SBF2: variants seen among roughly 807,000 people sequenced by gnomAD.
SBF2 encodes the protein myotubularin-related protein 13.
In SBF2, 112 loss-of-function variants were observed where a neutral mutation model predicts 225.2. The observed-to-expected ratio is 0.50, with a 90% confidence interval of 0.43 to 0.58. SBF2 has a LOEUF of 0.58. SBF2 is among the 20% of genes least tolerant of loss of function. The pLI is 0.00. For synonymous variants in SBF2, 763 were observed against 773.3 expected (o/e 0.99, Z 0.22); for missense variants, 1,996 against 2,206.2 (o/e 0.90, Z 1.91).
intron 2 of SBF2, among the ~76,000 whole-genome samples, chr11:10,056,919 G>T (rs1950275418): frequency 6.6e-6 from 1 of 152,150 alleles, no homozygotes. Flanking sequence ...ATTAAAATGT[G>T]GCCAGACTGT....
intron 1 of SBF2, among the ~76,000 whole-genome samples, chr11:10,274,570 G>A (rs555416712): frequency 1.2e-4 from 19 of 152,218 alleles, no homozygotes; most frequent in African/African-American, 4.6e-4. Flanking sequence ...GGCCAACATA[G>A]TGAAACACTG....
chr11:9,922,039 C>T (rs974198985), intron 16 of SBF2, among the ~76,000 whole-genome samples: 4 of 151,750 alleles, frequency 2.6e-5, no homozygotes, highest in Non-Finnish European at 4.4e-5. Flanking sequence ...TGAGCCCAGG[C>T]GTTTTAAGAC....
At chr11:10,121,761 T>C (rs1953461810) in intron 2 of SBF2, among the ~76,000 whole-genome samples, 1 of 152,222 alleles carries the variant, frequency 6.6e-6, no homozygotes, top group African/African-American at 2.4e-5. Flanking sequence ...GATCTGAAAA[T>C]ATTAAACAGA....
chr11:10,252,835 C>CAAG (rs1565403090), intron 1 of SBF2, among the ~76,000 whole-genome samples: 90 of 141,140 alleles, frequency 6.4e-4, no homozygotes, highest in African/African-American at 1.7e-3. Flanking sequence ...AAAAAAAAAT[C>CAAG]AAAAAAAAGA....
intron 2 of SBF2, among the ~76,000 whole-genome samples, chr11:10,177,833 A>G (rs1591145161): frequency 1.3e-5 from 2 of 149,330 alleles, no homozygotes; most frequent in South Asian, 4.2e-4. Context: ...ACAGAACTGG[A>G]AAAAACTACT....
intron 9 of SBF2, among the ~76,000 whole-genome samples, chr11:9,994,429 T>C (rs1403123258): frequency 4.7e-5 from 7 of 149,282 alleles, no homozygotes; most frequent in Non-Finnish European, 7.4e-5. Context: ...GAGCCGAGAT[T>C]GCGCCACTGC....
intron 1 of SBF2, among the ~76,000 whole-genome samples, chr11:10,271,015 A>AT (rs1176482079): frequency 1.3e-5 from 2 of 150,538 alleles, no homozygotes; most frequent in African/African-American, 4.9e-5. Context: ...AAAAAAAAAA[A>AT]AAAAAAGTAG....
intron 17 of SBF2, among the ~76,000 whole-genome samples, chr11:9,882,274 G>C (rs1480314802): frequency 6.6e-6 from 1 of 152,140 alleles, no homozygotes; most frequent in Non-Finnish European, 1.5e-5. Context: ...CTCTGCATTT[G>C]TACTTTTGTT....
In SBF2 at chr11:9,780,442, G is replaced by T. The variant is rs376788960; in HGVS notation, c.5526C>A (p.Ile1842=). ...GQSAQQWMDK[I]QSCISDA The stretch of plus-strand genomic sequence containing the variant: ...ATCAGGCATCAGAGATACAACTCTG[G>T]ATCTTGTCCATCCATTGCTGGGCAC... The change falls in exon 40 of 40, where the codon ATC becomes ATA. Residue 1842 remains isoleucine (I), a synonymous_variant. Coordinates refer to ENST00000256190, the MANE Select transcript of SBF2 (RefSeq NM_030962.4). 28 of 1,613,894 alleles carry T rather than the reference G, an allele frequency of 1.7e-5. No homozygotes were observed. In the Admixed American group the frequency reaches 2.8e-4, roughly 16 times the overall value.
At chr11:10,117,286 CA>C (rs1953185970) in intron 2 of SBF2, among the ~76,000 whole-genome samples, 1 of 151,612 alleles carries the variant, frequency 6.6e-6, no homozygotes, top group Non-Finnish European at 1.5e-5. Flanking sequence ...ACTAAAAATA[CA>C]AAAATTAGCC....
intron 28 of SBF2, chr11:9,828,533 G>A: frequency 1.0e-6 from 1 of 985,456 alleles, no homozygotes; most frequent in Non-Finnish European, 1.2e-6. Context: ...TCAAATAGCT[G>A]ATTAAGCCAA....
chr11:10,136,142 A>G (rs1208290216), intron 2 of SBF2, among the ~76,000 whole-genome samples: 1 of 152,156 alleles, frequency 6.6e-6, no homozygotes, highest in Admixed American at 6.6e-5. Flanking sequence ...TAACACCATC[A>G]GATCTCATGA....
chr11:10,198,495 A>G (rs1162299133), intron 1 of SBF2, among the ~76,000 whole-genome samples: 1 of 152,256 alleles, frequency 6.6e-6, no homozygotes, highest in Admixed American at 6.5e-5. Context: ...GAGTAGATTT[A>G]GCATAATTCT....
At chr11:10,157,514 A>G (rs977232908) in intron 2 of SBF2, among the ~76,000 whole-genome samples, 10 of 152,322 alleles carry the variant, frequency 6.6e-5, no homozygotes, top group Admixed American at 4.6e-4. Flanking sequence ...TTTGCAAACT[A>G]TGCATCCAAC....
At position 10,174,618 on chromosome 11, in the gene SBF2, G is replaced by C. The variant is rs578248599; in HGVS notation, c.141+19284C>G. On this transcript the variant is annotated intron_variant, in intron 2 of 39. Coordinates refer to ENST00000256190, the MANE Select transcript of SBF2 (RefSeq NM_030962.4). ...TATCATCCAGGAGAACTTCCCCAAT[G>C]TAGCAAGGCAGGCCAACATTCAAAT... is the stretch of plus-strand genomic sequence containing the variant. 6.2e-3 allele frequency among the ~76,000 whole-genome samples: 941 copies of C among 152,206 alleles called. 9 individuals carry two copies. Among genetic ancestry groups the C allele is most frequent in the African/African-American group, 0.018 (760 of 41,512 alleles).
At chr11:10,194,265 A>C (rs1257792252) in intron 1 of SBF2, among the ~76,000 whole-genome samples, 1 of 152,216 alleles carries the variant, frequency 6.6e-6, no homozygotes, top group Non-Finnish European at 1.5e-5. Flanking sequence ...ACAATTTAAA[A>C]ATGCAAATCT....
chr11:9,804,749 T>G (rs896670863), intron 32 of SBF2, among the ~76,000 whole-genome samples: 2 of 152,236 alleles, frequency 1.3e-5, no homozygotes, highest in African/African-American at 4.8e-5. Context: ...ATCACAAGAT[T>G]GGTCAGTCTT....
chr11:10,264,742 A>G (rs1365909435), intron 1 of SBF2, among the ~76,000 whole-genome samples: 1 of 60,884 alleles, frequency 1.6e-5, no homozygotes, highest in Admixed American at 1.7e-4. Flanking sequence ...CTAGCCCCCC[A>G]CCCCCCGACA....
intron 2 of SBF2, among the ~76,000 whole-genome samples, chr11:10,051,737 G>C (rs910903006): frequency 6.6e-6 from 1 of 151,920 alleles, no homozygotes; most frequent in Admixed American, 6.6e-5. Flanking sequence ...ATGTTACACA[G>C]TTTACAAAAA....
Sources: allele counts gnomAD v4.1 joint callset (sites outside exome capture counted in the v4.1 genomes callset), GRCh38; gene constraint gnomAD v4.1.1; transcripts MANE v1.5; gene names NCBI Gene and HGNC (gene_info 2026-07-23, HGNC 2026-07-21).